GATAD2A: variants seen among roughly 807,000 people sequenced by gnomAD.
GATAD2A encodes GATA zinc finger domain containing 2A, also known as transcriptional repressor p66-alpha.
GATAD2A carries 12 observed loss-of-function variants against 68.5 expected under a neutral mutation model. The observed-to-expected ratio is 0.18, with a 90% confidence interval of 0.11 to 0.28. The LOEUF is 0.28. GATAD2A is among the 10% of genes least tolerant of loss of function. GATAD2A has a pLI of 1.00. For synonymous variants in GATAD2A, 410 were observed against 375.3 expected (o/e 1.09, Z -1.07); for missense variants, 755 against 868.5 (o/e 0.87, Z 1.64).
At position 19,505,737 on chromosome 19, in the gene GATAD2A, C is replaced by T. The variant is rs2060839752; in HGVS notation, c.*263C>T. Reference sequence around the variant, plus strand: ...TGGGCTTTCTTCCTTTCTCTCTTTGCCTTTAGTTTGCCCGACACCAGCAGA... The same window carrying T: ...TGGGCTTTCTTCCTTTCTCTCTTTGTCTTTAGTTTGCCCGACACCAGCAGA... On this transcript the variant is annotated 3_prime_UTR_variant, in exon 12 of 12. Coordinates refer to ENST00000683918, the MANE Select transcript of GATAD2A (RefSeq NM_001384528.1). 3.2e-5 allele frequency: 15 copies of T among 469,008 alleles called. No individual in the cohort carries two copies. The South Asian group carries it at 6.3e-4, about 20-fold the overall frequency. 29.1% of individuals were successfully genotyped at this position (469,008 alleles called of 1,614,324 possible). A position where few individuals can be genotyped will look rare whatever the true frequency, so the allele number is the denominator to read the frequency against.
intron 1 of GATAD2A, among the ~76,000 whole-genome samples, chr19:19,400,137 C>T (rs958705697): frequency 5.0e-4 from 76 of 151,980 alleles, no homozygotes; most frequent in Non-Finnish European, 5.9e-5. Flanking sequence ...CAACTAGTGA[C>T]ACATGGCAGA....
At chr19:19,432,651 G>A (rs371513807) in intron 1 of GATAD2A, among the ~76,000 whole-genome samples, 20 of 152,342 alleles carry the variant, frequency 1.3e-4, no homozygotes, top group African/African-American at 4.3e-4. Flanking sequence ...AGATTGAATA[G>A]TTAATTGATA....
At chr19:19,425,532 G>A (rs2052972548) in intron 1 of GATAD2A, among the ~76,000 whole-genome samples, 1 of 152,204 alleles carries the variant, frequency 6.6e-6, no homozygotes, top group South Asian at 2.1e-4. Context: ...AGGAGCACTT[G>A]ACCAAGCCAT....
chr19:19,484,069 G>T (rs1357207938), intron 2 of GATAD2A, among the ~76,000 whole-genome samples: 1 of 152,016 alleles, frequency 6.6e-6, no homozygotes, highest in Non-Finnish European at 1.5e-5. Context: ...CCACGTCCAG[G>T]TTGCAGTGAA....
intron 2 of GATAD2A, among the ~76,000 whole-genome samples, chr19:19,482,993 G>T (rs892134120): frequency 6.6e-6 from 1 of 152,036 alleles, no homozygotes; most frequent in Non-Finnish European, 1.5e-5. Flanking sequence ...ACTGGCCCCT[G>T]TCACAGTGAG....
chr19:19,499,863 C>T (rs757832215), intron 8 of GATAD2A, among the ~76,000 whole-genome samples: 2 of 152,238 alleles, frequency 1.3e-5, no homozygotes, highest in Non-Finnish European at 2.9e-5. Context: ...CTCCAGCTCC[C>T]AGCTGCAGGA....
chr19:19,475,806 T>A (rs1215624703), intron 2 of GATAD2A, among the ~76,000 whole-genome samples: 1 of 152,140 alleles, frequency 6.6e-6, no homozygotes, highest in Non-Finnish European at 1.5e-5. Context: ...CCTCATCCAA[T>A]TTCCCTTTAT....
chr19:19,502,325 C>A lies in GATAD2A; in HGVS notation c.1579-6C>A. ...ATGAGCCGTCACCCCCCTTTCTCCA[C>A]TGCAGGCCTCCAGCCAGCTGTCCCG... On this transcript the variant is annotated splice_polypyrimidine_tract_variant and splice_region_variant and intron_variant, in intron 10 of 11. Transcript: ENST00000683918. 6.2e-7 allele frequency: 1 copy of A among 1,604,044 alleles called. No individual in the cohort carries two copies. Among genetic ancestry groups the A allele is most frequent in the Non-Finnish European group, 8.5e-7 (1 of 1,173,246 alleles).
intron 1 of GATAD2A, among the ~76,000 whole-genome samples, chr19:19,447,363 C>T (rs2147763643): frequency 6.6e-6 from 1 of 152,222 alleles, no homozygotes; most frequent in Non-Finnish European, 1.5e-5. Flanking sequence ...CCAGCAGGAC[C>T]TTCTGGCCAG....
intron 1 of GATAD2A, among the ~76,000 whole-genome samples, chr19:19,412,584 A>G (rs1487928735): frequency 6.6e-6 from 1 of 151,844 alleles, no homozygotes; most frequent in African/African-American, 2.4e-5. Flanking sequence ...GTGAGAGGAG[A>G]TCATGCCATT....
chr19:19,405,493 G>C (rs1325617417), upstream of GATAD2A, among the ~76,000 whole-genome samples: 1 of 152,124 alleles, frequency 6.6e-6, no homozygotes, highest in Non-Finnish European at 1.5e-5. Context: ...GGAGCCAGCC[G>C]GAGCCCGCGT....
Position 19,501,380 on chromosome 19 carries a change from C to G in GATAD2A, c.1467C>G (p.Ala489=). 2 of 1,607,610 alleles carry G rather than the reference C, an allele frequency of 1.2e-6. No homozygotes were observed. Among genetic ancestry groups the G allele is most frequent in the South Asian group, 1.1e-5 (1 of 90,404 alleles). Residue 489 remains alanine, a synonymous_variant, in exon 9 of 12, where the codon GCC becomes GCG. Coordinates refer to ENST00000683918, the MANE Select transcript of GATAD2A (RefSeq NM_001384528.1). ...GCACGGCCCCTGCACAGGCCAAGGC[C>G]GAGCCCACCGCTGCCCCACACCCCG... The part of the protein sequence containing the change: ...QQGTAPAQAK[A]EPTAAPHPVL...
At chr19:19,386,431 T>A (rs557980270) in intron 1 of GATAD2A, among the ~76,000 whole-genome samples, 6 of 146,286 alleles carry the variant, frequency 4.1e-5, no homozygotes, top group Admixed American at 4.1e-4. Context: ...CCGTCTCTCT[T>A]GGGGACCCCG....
intron 1 of GATAD2A, chr19:19,428,061 T>C (rs2053303258): frequency 6.6e-6 from 1 of 152,228 alleles, no homozygotes; most frequent in South Asian, 2.1e-4. Context: ...TTGGTATTTT[T>C]ATTTTATTTT....
intron 1 of GATAD2A, chr19:19,465,069 C>G (rs1431158447): frequency 1.8e-6 from 1 of 544,868 alleles, no homozygotes; most frequent in Non-Finnish European, 3.3e-6. Flanking sequence ...ACCCTGCTGC[C>G]TCTGGCCCCC....
At chr19:19,476,751 C>T (rs2058702270) in intron 2 of GATAD2A, among the ~76,000 whole-genome samples, 1 of 152,192 alleles carries the variant, frequency 6.6e-6, no homozygotes, top group South Asian at 2.1e-4. Context: ...ACCTGGGAAC[C>T]TGCAGGGGCA....
intron 9 of GATAD2A, 80 bp downstream of exon 9, chr19:19,501,496 C>G: frequency 9.0e-7 from 1 of 1,107,640 alleles, no homozygotes; most frequent in African/African-American, 1.6e-5. Flanking sequence ...CTGCGCTGCA[C>G]CGCCTGATTG....
intron 1 of GATAD2A, among the ~76,000 whole-genome samples, chr19:19,413,132 G>C (rs1230577060): frequency 6.6e-6 from 1 of 152,220 alleles, no homozygotes; most frequent in Non-Finnish European, 1.5e-5. Context: ...CTGTCTTCTT[G>C]TTGCTGGGGT....
Position 19,492,468 on chromosome 19 carries a change from G to GC in GATAD2A, c.402+34dup, listed in dbSNP as rs750663180. On this transcript the variant is annotated intron_variant, in intron 3 of 11. Coordinates refer to ENST00000683918, the MANE Select transcript of GATAD2A (RefSeq NM_001384528.1). ...GCCACGTGTTGGCGCTGCCGCCGGAGCCCCACTGTGCCCTTCCTACTCATG... is the reference window on the plus strand; with the variant it reads ...GCCACGTGTTGGCGCTGCCGCCGGAGCCCCCACTGTGCCCTTCCTACTCATG... The GC allele has an allele frequency of 1.9e-6, 3 of 1,613,612 alleles. No homozygotes were observed. In the East Asian group the frequency reaches 6.7e-5, roughly 36 times the overall value.
Sources: gnomAD v4.1 joint callset for allele counts (sites outside exome capture counted in the v4.1 genomes callset) on GRCh38, gnomAD v4.1.1 for gene constraint, MANE v1.5 for transcripts, NCBI Gene and HGNC (gene_info 2026-07-23, HGNC 2026-07-21) for gene names.